The following BTNL8 variants were observed in gnomAD, a reference collection of about 807,000 sequenced individuals.
BTNL8 encodes butyrophilin like 8, also known as butyrophilin-like protein 8.
Under a neutral mutation model 36.1 loss-of-function variants are expected in BTNL8, and 22 were observed. That is an observed-to-expected ratio of 0.61 (90% CI 0.44 to 0.87). The LOEUF is 0.87. Ranked by LOEUF, BTNL8 falls within the 40% of genes least tolerant of loss-of-function variation. The pLI is 0.00. For synonymous variants in BTNL8, 203 were observed against 235.6 expected (o/e 0.86, Z 1.27); for missense variants, 526 against 616.9 (o/e 0.85, Z 1.56).
chr5:180,930,508 G>A (rs1307096019), intron 3 of BTNL8, among the ~76,000 whole-genome samples: 3 of 152,190 alleles, frequency 2.0e-5, no homozygotes, highest in African/African-American at 7.2e-5. Context: ...TAGGAAGAGA[G>A]GAAGTCAAAT....
chr5:180,948,039 CCTT>C, intron 4 of BTNL8: 2 of 646,746 alleles, frequency 3.1e-6, no homozygotes, highest in East Asian at 5.7e-5. Context: ...ATTTCCTCCT[CCTT>C]GGGAGTGACA....
At chr5:180,936,168 G>T (rs1035685124) in intron 3 of BTNL8, among the ~76,000 whole-genome samples, 2 of 152,014 alleles carry the variant, frequency 1.3e-5, no homozygotes, top group South Asian at 4.1e-4. Flanking sequence ...CTTGTCCTCC[G>T]AAAGTGCTGG....
At position 180,908,875 on chromosome 5, in the gene BTNL8, G is replaced by T. The variant is rs760555544; in HGVS notation, c.339G>T (p.Gly113=). The T allele has an allele frequency of 1.9e-6, 3 of 1,614,206 alleles. No homozygotes were observed. In the Admixed American group the frequency reaches 5.0e-5, roughly 27 times the overall value. The part of the protein sequence containing the change: ...NITVLDAGLY[G]CRISSQSYYQ... ...CTGTGTTGGATGCTGGCCTCTATGG[G>T]TGCAGGATTAGTTCCCAGTCTTACT... Residue 113 remains glycine (G), a synonymous_variant, in exon 2 of 8, where the codon GGG becomes GGT. Transcript: ENST00000340184.
chr5:180,947,503 G>A lies in BTNL8; in HGVS notation c.674-9G>A, dbSNP rs752881764. On this transcript the variant is annotated splice_polypyrimidine_tract_variant and intron_variant, in intron 3 of 7. Transcript: ENST00000340184. ...CAATAACTAAAATGTCTGTGGGATTGTTTTTCAGATACCTTTTTCGAGCCT... is the reference window on the plus strand; with the variant it reads ...CAATAACTAAAATGTCTGTGGGATTATTTTTCAGATACCTTTTTCGAGCCT... 1.2e-6 allele frequency: 2 copies of A among 1,612,430 alleles called. No homozygotes were observed. The highest frequency in any genetic ancestry group is 2.2e-5 in the East Asian group (1 of 44,876).
At chr5:180,927,861 C>A (rs1758175192) in intron 3 of BTNL8, among the ~76,000 whole-genome samples, 1 of 152,074 alleles carries the variant, frequency 6.6e-6, no homozygotes, top group African/African-American at 2.4e-5. Context: ...CGTTTGATTG[C>A]TATACATGAA....
intron 3 of BTNL8, among the ~76,000 whole-genome samples, chr5:180,917,960 T>G (rs1454548739): frequency 2.1e-5 from 3 of 143,390 alleles, no homozygotes; most frequent in African/African-American, 5.3e-5. Flanking sequence ...ACCCGGGAGG[T>G]GGAGCTTGCA....
chr5:180,945,397 C>G (rs1759185714), intron 3 of BTNL8, among the ~76,000 whole-genome samples: 1 of 152,116 alleles, frequency 6.6e-6, no homozygotes, highest in Non-Finnish European at 1.5e-5. Flanking sequence ...TGACATTGAT[C>G]TTGGCAATAA....
At chr5:180,936,565 T>C in intron 3 of BTNL8, among the ~76,000 whole-genome samples, 1 of 152,194 alleles carries the variant, frequency 6.6e-6, no homozygotes, top group Non-Finnish European at 1.5e-5. Context: ...TATAAAACAC[T>C]GATTAAAGAA....
chr5:180,945,824 C>A, intron 3 of BTNL8: 2 of 504,828 alleles, frequency 4.0e-6, no homozygotes, highest in South Asian at 2.9e-5. Flanking sequence ...CTTGTCGAGT[C>A]TGATCCGGAA....
At chr5:180,921,283 T>G (rs1378113682) in intron 3 of BTNL8, among the ~76,000 whole-genome samples, 2 of 152,064 alleles carry the variant, frequency 1.3e-5, no homozygotes, top group Non-Finnish European at 2.9e-5. Flanking sequence ...AACAATCTAT[T>G]TGCTGACAGA....
At chr5:180,923,281 C>T (rs772912441) in intron 3 of BTNL8, among the ~76,000 whole-genome samples, 5 of 151,812 alleles carry the variant, frequency 3.3e-5, no homozygotes, top group Non-Finnish European at 5.9e-5. Flanking sequence ...TTTAAAAAAC[C>T]TAATATATTA....
intron 5 of BTNL8, 87 bp downstream of exon 5, chr5:180,948,462 G>A (rs1759383485): frequency 3.1e-6 from 5 of 1,605,600 alleles, no homozygotes; most frequent in South Asian, 2.2e-5. Flanking sequence ...GGACGACCCT[G>A]GCTGCAGGCT....
At chr5:180,945,655 C>A in intron 3 of BTNL8, 3 of 274,256 alleles carry the variant, frequency 1.1e-5, no homozygotes, top group African/African-American at 2.2e-5. Context: ...GGGAAAGGAC[C>A]TGAACAAACA....
rs972473303 is a variant in BTNL8, at chr5:180,945,657, G to A, written c.674-1855G>A. ...GATCTTAAAAAAGGGGAAAGGACCT[G>A]AACAAACATTTCTCAAAATTACATT... On this transcript the variant is annotated intron_variant, in intron 3 of 7. Transcript: ENST00000340184. 3 of 289,726 alleles carry A rather than the reference G, an allele frequency of 1.0e-5. 1 individual carries two copies. The highest frequency in any genetic ancestry group is 1.8e-4 in the East Asian group (2 of 11,200). The allele number at this position is 289,726 out of a possible 1,614,324, so 17.9% of individuals were successfully genotyped here.
rs750665632 is a variant in BTNL8, at chr5:180,949,898, C to T, written c.863-6C>T. The T allele has an allele frequency of 2.1e-6, 3 of 1,452,918 alleles. No homozygotes were observed. Among genetic ancestry groups the T allele is most frequent in the Non-Finnish European group, 2.8e-6 (3 of 1,053,228 alleles). 90.0% of individuals were successfully genotyped at this position (1,452,918 alleles called of 1,614,324 possible). Reference sequence around the variant, plus strand: ...CATGCTTCCTCTCTCCCCCACCGCACCCCAGTGGAGGTGACTCTGGATCCA... The same window carrying T: ...CATGCTTCCTCTCTCCCCCACCGCATCCCAGTGGAGGTGACTCTGGATCCA... On this transcript the variant is annotated splice_region_variant and splice_polypyrimidine_tract_variant and intron_variant, in intron 7 of 7. Transcript: ENST00000340184.
chr5:180,915,803 G>C (rs1454836256), intron 3 of BTNL8, among the ~76,000 whole-genome samples: 2 of 152,186 alleles, frequency 1.3e-5, no homozygotes, highest in Non-Finnish European at 2.9e-5. Flanking sequence ...CATCTCAATA[G>C]ATGCAGAAAA....
chr5:180,946,660 T>C (rs559280665), intron 3 of BTNL8, among the ~76,000 whole-genome samples: 4 of 152,270 alleles, frequency 2.6e-5, no homozygotes, highest in Admixed American at 6.5e-5. Flanking sequence ...AAGATTGAGA[T>C]AGACAAGAGG....
At chr5:180,923,103 G>A (rs1045540846) in intron 3 of BTNL8, among the ~76,000 whole-genome samples, 1 of 152,128 alleles carries the variant, frequency 6.6e-6, no homozygotes, top group Non-Finnish European at 1.5e-5. Flanking sequence ...TTAGTCTCTT[G>A]AAGACAGCAT....
intron 3 of BTNL8, among the ~76,000 whole-genome samples, chr5:180,937,064 C>T (rs557633100): frequency 2.0e-5 from 3 of 152,280 alleles, no homozygotes; most frequent in South Asian, 2.1e-4. Context: ...ACATGCTGCA[C>T]GCAGCCCCCC....
Sources: gnomAD v4.1 joint callset for allele counts (sites outside exome capture counted in the v4.1 genomes callset) on GRCh38, gnomAD v4.1.1 for gene constraint, MANE v1.5 for transcripts, NCBI Gene and HGNC (gene_info 2026-07-23, HGNC 2026-07-21) for gene names.